The following SHROOM3 variants were observed in gnomAD, a reference collection of about 807,000 sequenced individuals.
SHROOM3 encodes protein Shroom3.
Under a neutral mutation model 138.6 loss-of-function variants are expected in SHROOM3, and 47 were observed. That is an observed-to-expected ratio of 0.34 (90% CI 0.27 to 0.43). The LOEUF (loss-of-function observed/expected upper bound fraction) is 0.43, where lower values mean the gene tolerates loss of function less well. Ranked by LOEUF, SHROOM3 falls within the 20% of genes least tolerant of loss-of-function variation. The pLI, the probability that SHROOM3 is intolerant of heterozygous loss-of-function variation, is 1.00. For missense variants in SHROOM3, 2,491 were observed against 2,596.5 expected (o/e 0.96, Z 0.88); for synonymous variants, 1,062 against 1,063.3 (o/e 1.00, Z 0.02).
intron 1 of SHROOM3, among the ~76,000 whole-genome samples, chr4:76,451,822 AAAG>A (rs1415312376): frequency 6.6e-6 from 1 of 152,222 alleles, no homozygotes; most frequent in African/African-American, 2.4e-5. Flanking sequence ...GTATAGGATG[AAAG>A]AAGAATTTTT....
chr4:76,441,645 T>G (rs1730693711), intron 1 of SHROOM3, among the ~76,000 whole-genome samples: 1 of 152,254 alleles, frequency 6.6e-6, no homozygotes, highest in African/African-American at 2.4e-5. Flanking sequence ...CCCTTATTGT[T>G]CAATCTATCT....
Position 76,443,677 on chromosome 4 carries a change from CT to C in SHROOM3, c.168+7458del, listed in dbSNP as rs111941493. Among the ~76,000 whole-genome samples the C allele has an allele frequency of 5.2e-3, 792 of 152,316 alleles. 13 individuals are homozygous for C. Among genetic ancestry groups the C allele is most frequent in the African/African-American group, 0.018 (753 of 41,562 alleles). On this transcript the variant is annotated intron_variant, in intron 1 of 10. Coordinates refer to ENST00000296043, the MANE Select transcript of SHROOM3 (RefSeq NM_020859.4). ...TCTCTACTAAATCTAAGCACTGTTTCTCCCCCTCTTCTAATGACTTTCTCCA... is the reference window on the plus strand; with the variant it reads ...TCTCTACTAAATCTAAGCACTGTTTCCCCCCTCTTCTAATGACTTTCTCCA...
intron 1 of SHROOM3, among the ~76,000 whole-genome samples, chr4:76,457,962 T>C (rs1731064538): frequency 6.6e-6 from 1 of 151,624 alleles, no homozygotes; most frequent in Non-Finnish European, 1.5e-5. Flanking sequence ...TGTCTGGCCA[T>C]TTTTTGAATT....
At chr4:76,685,352 C>T (rs1282624349) in intron 2 of SHROOM3, among the ~76,000 whole-genome samples, 1 of 151,436 alleles carries the variant, frequency 6.6e-6, no homozygotes, top group East Asian at 1.9e-4. Flanking sequence ...CTAACACTAA[C>T]GATAGCTGAT....
chr4:76,678,976 A>T (rs574173928), intron 2 of SHROOM3, among the ~76,000 whole-genome samples: 16 of 152,320 alleles, frequency 1.1e-4, no homozygotes, highest in Middle Eastern at 3.4e-3. Context: ...AATTTTTTTT[A>T]AAAGTAATTT....
chr4:76,574,790 A>G (rs1258157762), intron 2 of SHROOM3, among the ~76,000 whole-genome samples: 1 of 152,158 alleles, frequency 6.6e-6, no homozygotes, highest in Non-Finnish European at 1.5e-5. Context: ...CATACACAAA[A>G]AATGTAGAAT....
At chr4:76,579,825 C>T (rs762312977) in intron 2 of SHROOM3, among the ~76,000 whole-genome samples, 10 of 152,220 alleles carry the variant, frequency 6.6e-5, no homozygotes, top group Non-Finnish European at 1.3e-4. Flanking sequence ...TTATCTTTTC[C>T]ACTGAAGAAC....
At chr4:76,619,560 A>G (rs1441936706) in intron 2 of SHROOM3, among the ~76,000 whole-genome samples, 2 of 152,220 alleles carry the variant, frequency 1.3e-5, no homozygotes, top group African/African-American at 4.8e-5. Context: ...GTGTGAAAGC[A>G]AGCAGTAAAA....
intron 1 of SHROOM3, among the ~76,000 whole-genome samples, chr4:76,486,101 A>G (rs1223691492): frequency 6.6e-6 from 1 of 152,200 alleles, no homozygotes; most frequent in East Asian, 1.9e-4. Flanking sequence ...GCGTGCTGCC[A>G]TTTGCTTAAA....
intron 2 of SHROOM3, among the ~76,000 whole-genome samples, chr4:76,682,270 G>C (rs1349487030): frequency 6.6e-6 from 1 of 152,122 alleles, no homozygotes; most frequent in East Asian, 1.9e-4. Flanking sequence ...ATATCTCACT[G>C]TTACCTTGGC....
chr4:76,521,918 A>G (rs1732574376), intron 1 of SHROOM3, among the ~76,000 whole-genome samples: 2 of 152,224 alleles, frequency 1.3e-5, no homozygotes, highest in South Asian at 2.1e-4. Flanking sequence ...GCCTCCTGAT[A>G]TGATGCACTG....
At chr4:76,582,186 T>C (rs1322647243) in intron 2 of SHROOM3, among the ~76,000 whole-genome samples, 1 of 125,612 alleles carries the variant, frequency 8.0e-6, no homozygotes, top group Non-Finnish European at 1.9e-5. Context: ...AGTTGGTGAG[T>C]GCTCTTAGAA....
chr4:76,444,565 T>C (rs2109965899), intron 1 of SHROOM3, among the ~76,000 whole-genome samples: 1 of 142,488 alleles, frequency 7.0e-6, no homozygotes, highest in East Asian at 2.2e-4. Flanking sequence ...ACGATGATCT[T>C]GGCTCACTGC....
At chr4:76,481,205 G>T (rs1235287122) in intron 1 of SHROOM3, among the ~76,000 whole-genome samples, 1 of 151,950 alleles carries the variant, frequency 6.6e-6, no homozygotes, top group Non-Finnish European at 1.5e-5. Context: ...CTGGTTTTTT[G>T]AAAACATTAA....
chr4:76,737,966 A>C (rs187471711), intron 4 of SHROOM3, among the ~76,000 whole-genome samples: 1 of 152,266 alleles, frequency 6.6e-6, no homozygotes, highest in African/African-American at 2.4e-5. Context: ...ACGGGCTCTG[A>C]AAACCATCTG....
In SHROOM3 at chr4:76,687,295, T is replaced by C. The variant is rs368504170; in HGVS notation, c.324-22861T>C. ...GCATTTTTAAAGCTTTATTTCTTCATTAATATATTTGATTTTAATAAAAAG... is the reference window on the plus strand; with the variant it reads ...GCATTTTTAAAGCTTTATTTCTTCACTAATATATTTGATTTTAATAAAAAG... On this transcript the variant is annotated intron_variant, in intron 2 of 10. Coordinates refer to ENST00000296043, the MANE Select transcript of SHROOM3 (RefSeq NM_020859.4). Among the ~76,000 whole-genome samples, 215 of 152,346 alleles carry C rather than the reference T, an allele frequency of 1.4e-3. 1 individual carries two copies. The highest frequency in any genetic ancestry group is 6.8e-3 in the Middle Eastern group (2 of 294).
intron 2 of SHROOM3, among the ~76,000 whole-genome samples, chr4:76,650,300 G>A (rs1326923566): frequency 1.3e-5 from 2 of 152,266 alleles, no homozygotes; most frequent in East Asian, 1.9e-4. Context: ...ATGCTGGTGA[G>A]AGTGTAGAGA....
rs533705771 is a variant in SHROOM3 at position 76,753,894 on chromosome 4, GAGA to G, written c.3828-411_3828-409del. Among the ~76,000 whole-genome samples, 354 of 152,340 alleles carry G rather than the reference GAGA, an allele frequency of 2.3e-3. 1 individual carries two copies. Among genetic ancestry groups the G allele is most frequent in the African/African-American group, 8.3e-3 (345 of 41,578 alleles). The stretch of plus-strand genomic sequence containing the variant: ...CTCCCCCGTGGGGATCGCACTGGGA[GAGA>G]AGAAGGCAGCATTATTTTTCCCCAG... On this transcript the variant is annotated intron_variant, in intron 6 of 10. Transcript: ENST00000296043.
At chr4:76,491,468 A>G (rs1731848105) in intron 1 of SHROOM3, among the ~76,000 whole-genome samples, 1 of 152,204 alleles carries the variant, frequency 6.6e-6, no homozygotes, top group Non-Finnish European at 1.5e-5. Flanking sequence ...ACTCCCTTGC[A>G]TGTGACTGAG....
Sources: gnomAD v4.1 joint callset for allele counts (sites outside exome capture counted in the v4.1 genomes callset) on GRCh38, gnomAD v4.1.1 for gene constraint, MANE v1.5 for transcripts, NCBI Gene and HGNC (gene_info 2026-07-23, HGNC 2026-07-21) for gene names.